TIMM23: variants seen among roughly 807,000 people sequenced by gnomAD.
The protein encoded by TIMM23 is mitochondrial import inner membrane translocase subunit Tim23.
Under a neutral mutation model 30.7 loss-of-function variants are expected in TIMM23, and 19 were observed. That is an observed-to-expected ratio of 0.62 (90% CI 0.43 to 0.91). The LOEUF (loss-of-function observed/expected upper bound fraction) is 0.91. Ranked by LOEUF, TIMM23 falls within the 40% of genes least tolerant of loss-of-function variation. TIMM23 has a pLI of 0.00. For missense variants in TIMM23, 202 were observed against 269.2 expected (o/e 0.75, Z 1.75); for synonymous variants, 78 against 98.5 (o/e 0.79, Z 1.23).
At chr10:45,973,954 T>C (rs1837583106) in intron 1 of TIMM23, among the ~76,000 whole-genome samples, 1 of 152,126 alleles carries the variant, frequency 6.6e-6, no homozygotes, top group Non-Finnish European at 1.5e-5. Flanking sequence ...ACTTTACCTG[T>C]TTAGAACACA....
intron 6 of TIMM23, among the ~76,000 whole-genome samples, chr10:45,991,094 A>G (rs1486045107): frequency 6.6e-5 from 10 of 152,232 alleles, no homozygotes; most frequent in African/African-American, 2.4e-4. Flanking sequence ...GGATAGAGAA[A>G]TCAGGAAAAT....
intron 2 of TIMM23, among the ~76,000 whole-genome samples, chr10:45,979,957 C>T (rs1264026521): frequency 1.3e-5 from 2 of 151,784 alleles, no homozygotes; most frequent in African/African-American, 4.8e-5. Context: ...TCATTGTGGC[C>T]CTGCATTGCT....
At chr10:45,998,345 G>A (rs1838410739) in intron 6 of TIMM23, 5 of 984,006 alleles carry the variant, frequency 5.1e-6, no homozygotes, top group Non-Finnish European at 6.0e-6. Flanking sequence ...AAGAGGTGGT[G>A]CTTGCCTATC....
At chr10:45,974,086 A>G (rs1454218215) in intron 1 of TIMM23, among the ~76,000 whole-genome samples, 2 of 152,070 alleles carry the variant, frequency 1.3e-5, no homozygotes, top group African/African-American at 4.8e-5. Context: ...GGGACCAGGG[A>G]ATGAACACCA....
Position 45,972,735 on chromosome 10 carries a change from G to A in TIMM23, c.106+5G>A, listed in dbSNP as rs1554912034. On this transcript the variant is annotated splice_donor_5th_base_variant and intron_variant, in intron 1 of 6. Coordinates refer to ENST00000580018, the MANE Select transcript of TIMM23 (RefSeq NM_006327.4). ...CGGATTTGGCTGGCGTCCCGCGTAA[G>A]TATGGGGCCTAGCTTGCGATTATTT... 6.2e-7 allele frequency: 1 copy of A among 1,613,892 alleles called. No individual in the cohort carries two copies. The highest frequency in any genetic ancestry group is 8.5e-7 in the Non-Finnish European group (1 of 1,179,850).
At chr10:45,978,503 G>A (rs1209669457) in intron 2 of TIMM23, among the ~76,000 whole-genome samples, 4 of 152,150 alleles carry the variant, frequency 2.6e-5, no homozygotes, top group Admixed American at 2.6e-4. Flanking sequence ...GATTTGAGTA[G>A]ACATTTCTCT....
chr10:45,998,003 T>C (rs1554917027), intron 6 of TIMM23, among the ~76,000 whole-genome samples: 1 of 152,134 alleles, frequency 6.6e-6, no homozygotes, highest in Non-Finnish European at 1.5e-5. Context: ...TGGCATTTAG[T>C]AGTCATGTTA....
At chr10:45,992,615 TG>T (rs1838199001) in intron 6 of TIMM23, 1 of 425,020 alleles carries the variant, frequency 2.4e-6, no homozygotes, top group South Asian at 1.7e-5. Context: ...TGCAGTGCAG[TG>T]GCACAATCTT....
chr10:45,988,728 C>T lies in TIMM23; in HGVS notation c.404-9C>T. On this transcript the variant is annotated splice_polypyrimidine_tract_variant and intron_variant, in intron 5 of 6. Transcript: ENST00000580018. The stretch of plus-strand genomic sequence containing the variant: ...GTTTTGTCACTGAGCACTTCCATTT[C>T]CTCTTTAGCTTTGCTCTATAGTGCA... The T allele has an allele frequency of 1.2e-6, 2 of 1,613,726 alleles. No individual in the cohort carries two copies. The highest frequency in any genetic ancestry group is 1.7e-6 in the Non-Finnish European group (2 of 1,179,736).
chr10:45,975,412 T>TA (rs781960253), intron 1 of TIMM23, 42 bp from the exon 2 acceptor site: 1 of 1,611,772 alleles, frequency 6.2e-7, no homozygotes, highest in Admixed American at 1.7e-5. Flanking sequence ...TGGATTAACT[T>TA]AAAGAATTTT....
chr10:45,992,995 G>GA (rs1452602037), intron 6 of TIMM23, among the ~76,000 whole-genome samples: 1 of 151,970 alleles, frequency 6.6e-6, no homozygotes, highest in Non-Finnish European at 1.5e-5. Flanking sequence ...CCATTTCCTA[G>GA]AACAATCCTT....
intron 1 of TIMM23, among the ~76,000 whole-genome samples, chr10:45,973,163 A>G (rs1282794593): frequency 3.6e-5 from 3 of 84,374 alleles, no homozygotes; most frequent in Admixed American, 1.5e-4. Flanking sequence ...ATTCAGTAAT[A>G]TTGTTTGTAA....
chr10:45,973,725 C>T (rs1244105915), intron 1 of TIMM23, among the ~76,000 whole-genome samples: 3 of 152,052 alleles, frequency 2.0e-5, no homozygotes, highest in Non-Finnish European at 4.4e-5. Context: ...TTCACTGAAG[C>T]CTCGCACTCC....
intron 1 of TIMM23, among the ~76,000 whole-genome samples, chr10:45,974,354 G>A (rs1344711367): frequency 4.6e-5 from 7 of 152,160 alleles, no homozygotes; most frequent in Admixed American, 6.5e-5. Context: ...ACATCTCAAG[G>A]GAGTTGACAT....
At chr10:46,003,149 A>G (rs1838603603) in intron 6 of TIMM23, 54 bp from the exon 7 acceptor site, 2 of 1,375,682 alleles carry the variant, frequency 1.5e-6, no homozygotes, top group African/African-American at 2.8e-5. Context: ...CTATCGTGCT[A>G]GGGCACTATG....
rs2132255060 is a variant in TIMM23, at chr10:45,982,782, G to T, written c.260-64G>T. 8.7e-6 allele frequency: 14 copies of T among 1,611,358 alleles called. No individual in the cohort carries two copies. The South Asian group carries it at 1.5e-4, about 18-fold the overall frequency. Reference sequence around the variant, plus strand: ...AAAGAATCAGAAGTGTAGTTATGCAGATTTGAGTTTGTTTTTTTAATATAA... The same window carrying T: ...AAAGAATCAGAAGTGTAGTTATGCATATTTGAGTTTGTTTTTTTAATATAA... On this transcript the variant is annotated intron_variant, in intron 3 of 6. Coordinates refer to ENST00000580018, the MANE Select transcript of TIMM23 (RefSeq NM_006327.4).
At chr10:45,991,215 GAGAAAAGTCTGGGAAGAT>G (rs1372411355) in intron 6 of TIMM23, among the ~76,000 whole-genome samples, 1 of 152,208 alleles carries the variant, frequency 6.6e-6, no homozygotes, top group Admixed American at 6.5e-5. Context: ...GAAGGTGTGG[GAGAAAAGTCTGGGAAGAT>G]AGTTTAGGCT....
At chr10:45,984,997 GTT>G (rs1590117985) in intron 4 of TIMM23, among the ~76,000 whole-genome samples, 1 of 152,072 alleles carries the variant, frequency 6.6e-6, no homozygotes, top group East Asian at 1.9e-4. Context: ...GCTCGCCATA[GTT>G]AACAGTGGCA....
rs1554912775 is a variant in TIMM23, at chr10:45,975,337, C to G, written c.107-117C>G. The G allele has an allele frequency of 3.6e-6, 5 of 1,386,170 alleles. No individual in the cohort carries two copies. The African/African-American group carries it at 7.2e-5, about 20-fold the overall frequency. The allele number at this position is 1,386,170 out of a possible 1,614,324, so 85.9% of individuals were successfully genotyped here. On this transcript the variant is annotated intron_variant, in intron 1 of 6. Coordinates refer to ENST00000580018, the MANE Select transcript of TIMM23 (RefSeq NM_006327.4). ...GAGGATAAAATGGGAAAAAATTTTC[C>G]GCCTTCAGTGAGCCTATAAAAATTG...
Sources: allele counts gnomAD v4.1 joint callset (sites outside exome capture counted in the v4.1 genomes callset), GRCh38; gene constraint gnomAD v4.1.1; transcripts MANE v1.5; gene names NCBI Gene and HGNC (gene_info 2026-07-23, HGNC 2026-07-21).